Variants in SRGAP3 observed in about 807,000 individuals in gnomAD.
The protein encoded by SRGAP3 is SLIT-ROBO Rho GTPase-activating protein 3.
A neutral mutation model predicts 121.1 loss-of-function variants in SRGAP3; 39 were observed. That is an observed-to-expected ratio of 0.32 (90% CI 0.25 to 0.42). SRGAP3 has a LOEUF of 0.42. SRGAP3 is among the 10% of genes least tolerant of loss of function. The pLI is 1.00. For synonymous variants in SRGAP3, 601 were observed against 570.0 expected (o/e 1.05, Z -0.77); for missense variants, 1,213 against 1,470.6 (o/e 0.82, Z 2.86).
At chr3:9,138,994 A>G (rs544759786) in intron 1 of SRGAP3, among the ~76,000 whole-genome samples, 1 of 152,250 alleles carries the variant, frequency 6.6e-6, no homozygotes, top group South Asian at 2.1e-4. Context: ...GATTGGCCCA[A>G]CCTCTTAATT....
intron 1 of SRGAP3, among the ~76,000 whole-genome samples, chr3:9,159,290 C>CT (rs1363328719): frequency 7.3e-6 from 1 of 136,940 alleles, no homozygotes; most frequent in Non-Finnish European, 1.6e-5. Context: ...TGTCCTCTCG[C>CT]TTTTCACATC....
chr3:9,249,672 T>G (rs1281162628), upstream of SRGAP3: 2 of 233,018 alleles, frequency 8.6e-6, no homozygotes, highest in African/African-American at 2.2e-5. Context: ...CTGGCTGAGC[T>G]CTCCCCCACT....
At chr3:9,135,442 A>C (rs966814885) in intron 1 of SRGAP3, among the ~76,000 whole-genome samples, 3 of 152,198 alleles carry the variant, frequency 2.0e-5, no homozygotes, top group Non-Finnish European at 2.9e-5. Flanking sequence ...CTCCCAGCCC[A>C]AAACCCAGCA....
intron 1 of SRGAP3, chr3:9,348,531 T>A: frequency 1.3e-6 from 1 of 759,432 alleles, no homozygotes; most frequent in Non-Finnish European, 2.4e-6. Flanking sequence ...AACACCGACC[T>A]GAGCCCAGCG....
At chr3:9,244,440 C>CCA (rs1953753272) in intron 1 of SRGAP3, among the ~76,000 whole-genome samples, 1 of 149,156 alleles carries the variant, frequency 6.7e-6, no homozygotes, top group Middle Eastern at 3.5e-3. Flanking sequence ...GAATATGTAA[C>CCA]AAAAAAAAAA....
chr3:9,292,102 GA>G (rs931781850), intron 3 of SRGAP3, among the ~76,000 whole-genome samples: 1 of 152,298 alleles, frequency 6.6e-6, no homozygotes, highest in Middle Eastern at 3.4e-3. Flanking sequence ...AGGCTGAACA[GA>G]TACCTCTTGG....
Position 8,985,271 on chromosome 3 carries a change from T to C in SRGAP3, c.*248A>G, listed in dbSNP as rs1273471487. On this transcript the variant is annotated 3_prime_UTR_variant, in exon 22 of 22. Transcript: ENST00000383836. The surrounding 1 kb of genome is among the most constrained non-coding windows in gnomAD (Gnocchi z 5.1). ...TTTGCCTCCATGTTAGGGAATGCTGTGGTTGGGGCTGCTGGAGCTCCAGCA... is the reference window on the plus strand; with the variant it reads ...TTTGCCTCCATGTTAGGGAATGCTGCGGTTGGGGCTGCTGGAGCTCCAGCA... 2 of 711,320 alleles carry C rather than the reference T, an allele frequency of 2.8e-6. No homozygotes were observed. The highest frequency in any genetic ancestry group is 4.4e-6 in the Non-Finnish European group (2 of 458,498). 44.1% of individuals were successfully genotyped at this position (711,320 alleles called of 1,614,324 possible). A position where few individuals can be genotyped will look rare whatever the true frequency, so the allele number is the denominator to read the frequency against.
chr3:9,135,543 C>T (rs1949613690), intron 1 of SRGAP3, among the ~76,000 whole-genome samples: 1 of 152,200 alleles, frequency 6.6e-6, no homozygotes, highest in African/African-American at 2.4e-5. Context: ...ACTCTGGAGC[C>T]ACTCTCACAG....
chr3:9,014,830 G>A (rs1253354292), intron 15 of SRGAP3: 1 of 152,158 alleles, frequency 6.6e-6, no homozygotes, highest in Non-Finnish European at 1.5e-5. Flanking sequence ...AACTGGGTAT[G>A]GGGCAACTTT....
rs1004130625 is a variant in SRGAP3 at position 9,218,951 on chromosome 3, G to A, written c.67+29934C>T. Among the ~76,000 whole-genome samples the A allele has an allele frequency of 6.6e-6, 1 of 152,066 alleles. No individual in the cohort carries two copies. The highest frequency in any genetic ancestry group is 2.4e-5 in the African/African-American group (1 of 41,398). The stretch of plus-strand genomic sequence containing the variant: ...GCCTCCCAAAGTGTTGGGATTACAG[G>A]CGTGAGCCACTGCGCCCAGCCTATT... On this transcript the variant is annotated intron_variant, in intron 1 of 21. Transcript: ENST00000383836. This position sits in a 1 kb window ranked among gnomAD's most constrained non-coding sequence, Gnocchi z 5.3.
intron 1 of SRGAP3, among the ~76,000 whole-genome samples, chr3:9,216,224 C>G (rs77677303): frequency 0.012 from 1,859 of 152,298 alleles, 33 homozygotes; most frequent in African/African-American, 0.042. Context: ...TTCCACAGAC[C>G]CTTCTAGAAC....
chr3:9,353,054 C>T (rs555266103), intron 1 of SRGAP3, among the ~76,000 whole-genome samples: 1 of 152,302 alleles, frequency 6.6e-6, no homozygotes, highest in East Asian at 1.9e-4. Context: ...TTCTGCTTTG[C>T]CTTTGGCACC....
intron 3 of SRGAP3, among the ~76,000 whole-genome samples, chr3:9,087,524 A>G (rs1029252344): frequency 6.6e-6 from 1 of 152,144 alleles, no homozygotes; most frequent in African/African-American, 2.4e-5. Flanking sequence ...GAAGTGATGA[A>G]GAGGATTAAG....
intron 2 of SRGAP3, among the ~76,000 whole-genome samples, chr3:9,326,497 G>A (rs1490018768): frequency 2.6e-5 from 4 of 151,678 alleles, no homozygotes; most frequent in Non-Finnish European, 4.4e-5. Context: ...TTTCCATGGC[G>A]AGTCATGGAA....
intron 1 of SRGAP3, among the ~76,000 whole-genome samples, chr3:9,151,263 CG>C (rs1435549406): frequency 5.9e-5 from 9 of 152,016 alleles, no homozygotes; most frequent in African/African-American, 2.2e-4. Flanking sequence ...GAAGAGCATA[CG>C]GGGGAAGGAA....
chr3:9,172,919 C>T (rs1429352540), intron 1 of SRGAP3, among the ~76,000 whole-genome samples: 2 of 152,178 alleles, frequency 1.3e-5, no homozygotes, highest in Non-Finnish European at 2.9e-5. Context: ...CTCTAGGTGG[C>T]ACAGGGACGC....
intron 1 of SRGAP3, among the ~76,000 whole-genome samples, chr3:9,231,648 G>C (rs946833641): frequency 3.3e-5 from 5 of 152,024 alleles, no homozygotes; most frequent in Non-Finnish European, 5.9e-5. Flanking sequence ...ACAAGAATTC[G>C]GGAATGAATA....
intron 3 of SRGAP3, among the ~76,000 whole-genome samples, chr3:9,276,717 A>G (rs1284352206): frequency 6.6e-6 from 1 of 152,136 alleles, no homozygotes; most frequent in East Asian, 1.9e-4. Context: ...AAGCCACCGC[A>G]TCCAGCCGAA....
At chr3:9,019,246 G>C (rs1162546722) in intron 14 of SRGAP3, among the ~76,000 whole-genome samples, 1 of 152,234 alleles carries the variant, frequency 6.6e-6, no homozygotes, top group African/African-American at 2.4e-5. Flanking sequence ...CTGGGTCATA[G>C]GGTAGACATA....
Sources: gnomAD v4.1 joint callset for allele counts (sites outside exome capture counted in the v4.1 genomes callset) on GRCh38, gnomAD v4.1.1 for gene constraint, Gnocchi (gnomAD v3.1) non-coding constraint, MANE v1.5 for transcripts, NCBI Gene and HGNC (gene_info 2026-07-23, HGNC 2026-07-21) for gene names.